The following TRIM5 variants were observed in gnomAD, a reference collection of about 807,000 sequenced individuals.
TRIM5 encodes the protein tripartite motif containing 5, also known as tripartite motif-containing protein 5.
A neutral mutation model predicts 35.6 loss-of-function variants in TRIM5; 31 were observed. The observed-to-expected ratio is 0.87, with a 90% confidence interval of 0.65 to 1.18. TRIM5 has a LOEUF of 1.18. Ranked by LOEUF, TRIM5 falls within the 50% of genes most tolerant of loss-of-function variation. The pLI is 0.00. For synonymous variants in TRIM5, 243 were observed against 215.6 expected (o/e 1.13, Z -1.11); for missense variants, 609 against 591.6 (o/e 1.03, Z -0.31).
chr11:5,596,471 G>C, the TRIM5 span, among the ~76,000 whole-genome samples: 3 of 147,508 alleles, frequency 2.0e-5, no homozygotes, highest in Admixed American at 1.4e-4. Flanking sequence ...CATTTTGTCA[G>C]GCGTGGATTC....
chr11:5,668,604 A>G (rs1249322794), intron 4 of TRIM5, among the ~76,000 whole-genome samples: 1 of 151,494 alleles, frequency 6.6e-6, no homozygotes, highest in African/African-American at 2.4e-5. Context: ...CGCCCACCAT[A>G]ATGCCCGGCT....
intron 1 of TRIM5, among the ~76,000 whole-genome samples, chr11:5,683,303 C>T (rs1852678319): frequency 6.6e-6 from 1 of 152,246 alleles, no homozygotes; most frequent in Non-Finnish European, 1.5e-5. Flanking sequence ...TGGCATGGCA[C>T]AGGACTGGCA....
chr11:5,656,296 A>G, the TRIM5 span, among the ~76,000 whole-genome samples: 1 of 152,138 alleles, frequency 6.6e-6, no homozygotes, highest in Non-Finnish European at 1.5e-5. Context: ...AAAAACTTAA[A>G]CAAATTTACA....
the TRIM5 span, among the ~76,000 whole-genome samples, chr11:5,635,862 A>G: frequency 6.6e-6 from 1 of 152,218 alleles, no homozygotes; most frequent in South Asian, 2.1e-4. Flanking sequence ...TAGTATGGCT[A>G]TAATAAAAAA....
intron 1 of TRIM5, among the ~76,000 whole-genome samples, chr11:5,680,621 G>A (rs1852364792): frequency 6.6e-6 from 1 of 152,124 alleles, no homozygotes; most frequent in Non-Finnish European, 1.5e-5. Flanking sequence ...TATGCCTCAG[G>A]GCTTTCACAT....
the TRIM5 span, among the ~76,000 whole-genome samples, chr11:5,609,206 A>G: frequency 6.6e-6 from 1 of 152,126 alleles, no homozygotes; most frequent in African/African-American, 2.4e-5. Context: ...TGGTTCCTCC[A>G]TGCTCCTCAC....
At chr11:5,635,359 C>T in the TRIM5 span, among the ~76,000 whole-genome samples, 2 of 151,464 alleles carry the variant, frequency 1.3e-5, no homozygotes, top group Admixed American at 6.6e-5. Context: ...AGGTTCACGC[C>T]ATTCTCCTGC....
At chr11:5,642,977 A>T in the TRIM5 span, 2 of 1,402,372 alleles carry the variant, frequency 1.4e-6, no homozygotes, top group Non-Finnish European at 1.9e-6. Context: ...ACATTTCTCC[A>T]GTGTTTTACC....
the TRIM5 span, among the ~76,000 whole-genome samples, chr11:5,631,651 A>C: frequency 6.6e-5 from 10 of 152,196 alleles, no homozygotes; most frequent in Non-Finnish European, 1.3e-4. Flanking sequence ...TCTTCACTGG[A>C]AACCACATCT....
chr11:5,625,451 A>G, the TRIM5 span, among the ~76,000 whole-genome samples: 48 of 152,246 alleles, frequency 3.2e-4, no homozygotes, highest in Non-Finnish European at 5.6e-4. Context: ...TCCCTCCTCA[A>G]AAGAGAAGTT....
the TRIM5 span, among the ~76,000 whole-genome samples, chr11:5,651,266 G>T: frequency 1.3e-5 from 2 of 152,118 alleles, no homozygotes; most frequent in African/African-American, 4.8e-5. Flanking sequence ...ATTAATTTAG[G>T]TTCAGGGGTA....
At chr11:5,646,740 TGA>T in the TRIM5 span, among the ~76,000 whole-genome samples, 1 of 152,202 alleles carries the variant, frequency 6.6e-6, no homozygotes, top group Non-Finnish European at 1.5e-5. Context: ...CTCTGTTCCC[TGA>T]GAAGGGAGAG....
chr11:5,633,850 A>C, the TRIM5 span: 1 of 1,614,104 alleles, frequency 6.2e-7, no homozygotes. Flanking sequence ...GAAGAGGAGG[A>C]AGCTGAGAAG....
the TRIM5 span, chr11:5,596,612 C>T: frequency 1.1e-5 from 3 of 273,438 alleles, no homozygotes; most frequent in African/African-American, 2.4e-5. Flanking sequence ...GTTTATCCCC[C>T]ACCCCAGGCG....
the TRIM5 span, among the ~76,000 whole-genome samples, chr11:5,638,894 C>G: frequency 6.6e-6 from 1 of 152,138 alleles, no homozygotes; most frequent in Non-Finnish European, 1.5e-5. Flanking sequence ...ATCAGACCAA[C>G]TCAGAGTTAC....
chr11:5,682,017 T>A (rs1415261872), intron 1 of TRIM5, among the ~76,000 whole-genome samples: 1 of 152,132 alleles, frequency 6.6e-6, no homozygotes, highest in Non-Finnish European at 1.5e-5. Flanking sequence ...CAGTCTGGTC[T>A]CCAACTCCTG....
At chr11:5,613,591 G>C in the TRIM5 span, among the ~76,000 whole-genome samples, 1 of 152,174 alleles carries the variant, frequency 6.6e-6, no homozygotes, top group East Asian at 1.9e-4. Context: ...GGAAGTTCAG[G>C]AAAGAGAAAG....
chr11:5,617,828 C>T, the TRIM5 span, among the ~76,000 whole-genome samples: 5 of 147,212 alleles, frequency 3.4e-5, no homozygotes, highest in South Asian at 4.2e-4. Context: ...AAAATAGGTA[C>T]TGTCATTATC....
intron 5 of TRIM5, 168 bp from the exon 6 acceptor site, chr11:5,666,249 T>C: frequency 1.5e-6 from 1 of 684,658 alleles, no homozygotes; most frequent in Non-Finnish European, 2.6e-6. Flanking sequence ...CAAAATGTTC[T>C]CATGTTTGCC....
Sources: gnomAD v4.1 joint callset for allele counts (sites outside exome capture counted in the v4.1 genomes callset) on GRCh38, gnomAD v4.1.1 for gene constraint, MANE v1.5 for transcripts, NCBI Gene and HGNC (gene_info 2026-07-23, HGNC 2026-07-21) for gene names.